Variants in SH3TC2 observed in about 807,000 individuals in gnomAD.
The protein encoded by SH3TC2 is SH3 domain and tetratricopeptide repeats 2, also known as SH3 domain and tetratricopeptide repeat-containing protein 2.
Under a neutral mutation model 124.5 loss-of-function variants are expected in SH3TC2, and 87 were observed. The observed-to-expected ratio is 0.70, with a 90% confidence interval of 0.59 to 0.84. The LOEUF (loss-of-function observed/expected upper bound fraction) is 0.84, where lower values mean the gene tolerates loss of function less well. SH3TC2 is among the 40% of genes least tolerant of loss of function. SH3TC2 has a pLI of 0.00. For missense variants in SH3TC2, 1,536 were observed against 1,566.4 expected (o/e 0.98, Z 0.33); for synonymous variants, 634 against 628.5 (o/e 1.01, Z -0.13).
chr5:149,044,949 A>G, intron 3 of SH3TC2: 1 of 229,170 alleles, frequency 4.4e-6, no homozygotes, highest in Non-Finnish European at 8.7e-6. Context: ...GAATAGAACT[A>G]TGGGCAAAGA....
Position 149,004,474 on chromosome 5 carries a change from T to A in SH3TC2, c.*237A>T, listed in dbSNP as rs1386638296. On this transcript the variant is annotated 3_prime_UTR_variant, in exon 17 of 17. Coordinates refer to ENST00000515425, the MANE Select transcript of SH3TC2 (RefSeq NM_024577.4). ...AGGCTGTTTGTGTGGAAGGCAACAGTCAACCGGTAAAGGCTCCAGATGCAA... is the reference window on the plus strand; with the variant it reads ...AGGCTGTTTGTGTGGAAGGCAACAGACAACCGGTAAAGGCTCCAGATGCAA... The A allele has an allele frequency of 1.8e-6, 1 of 549,082 alleles. No homozygotes were observed. Among genetic ancestry groups the A allele is most frequent in the Admixed American group, 3.2e-5 (1 of 31,018 alleles). 34.0% of individuals were successfully genotyped at this position (549,082 alleles called of 1,614,324 possible).
At chr5:149,038,807 T>G (rs1754325177) in intron 7 of SH3TC2, among the ~76,000 whole-genome samples, 1 of 152,242 alleles carries the variant, frequency 6.6e-6, no homozygotes, top group Non-Finnish European at 1.5e-5. Flanking sequence ...TATGGGAAAC[T>G]GGAAAGCTCA....
At chr5:149,029,642 G>A (rs1257564210) in intron 9 of SH3TC2, among the ~76,000 whole-genome samples, 1 of 152,094 alleles carries the variant, frequency 6.6e-6, no homozygotes, top group Non-Finnish European at 1.5e-5. Context: ...AGCCAGTGAG[G>A]GAGACTGAAA....
intron 1 of SH3TC2, among the ~76,000 whole-genome samples, chr5:149,061,159 G>A (rs1234883781): frequency 6.6e-6 from 1 of 152,122 alleles, no homozygotes. Flanking sequence ...GTAATCAATG[G>A]CAAAAAGAAG....
intron 1 of SH3TC2, among the ~76,000 whole-genome samples, chr5:149,060,785 G>A (rs1754733403): frequency 6.6e-6 from 1 of 152,176 alleles, no homozygotes; most frequent in Admixed American, 6.5e-5. Flanking sequence ...CTAAGTCCAT[G>A]AGAGGAATTA....
intron 2 of SH3TC2, among the ~76,000 whole-genome samples, chr5:149,049,766 GAGCAAGACC>G (rs1406357581): frequency 6.6e-6 from 1 of 151,622 alleles, no homozygotes; most frequent in African/African-American, 2.4e-5. Flanking sequence ...CTGGGCAACG[GAGCAAGACC>G]CTGTCTCAAG....
chr5:149,012,766 A>C lies in SH3TC2; in HGVS notation c.3054-32T>G, dbSNP rs1753806123. Reference sequence around the variant, plus strand: ...ACAGACATGAACTTGTGAGGTGTGAAGGCTCAAAGGGGCCTTAGGGTCCAC... The same window carrying C: ...ACAGACATGAACTTGTGAGGTGTGACGGCTCAAAGGGGCCTTAGGGTCCAC... On this transcript the variant is annotated intron_variant, in intron 12 of 16. Coordinates refer to ENST00000515425, the MANE Select transcript of SH3TC2 (RefSeq NM_024577.4). 1.9e-6 allele frequency: 3 copies of C among 1,613,512 alleles called. No homozygotes were observed. The East Asian group carries it at 6.7e-5, about 36-fold the overall frequency.
chr5:149,044,774 T>C (rs1318992987), intron 3 of SH3TC2, 136 bp from the exon 4 acceptor site: 1 of 681,718 alleles, frequency 1.5e-6, no homozygotes, highest in Non-Finnish European at 2.7e-6. Context: ...TGGAAACAAC[T>C]TAAATATTCA....
At position 148,985,287 on chromosome 5, in the gene SH3TC2, T is replaced by A. The variant is rs1252455195; in HGVS notation, c.*19424A>T. Among the ~76,000 whole-genome samples the A allele has an allele frequency of 6.6e-6, 1 of 152,234 alleles. No homozygotes were observed. Among genetic ancestry groups the A allele is most frequent in the African/African-American group, 2.4e-5 (1 of 41,466 alleles). ...ATTATTTTTTAGTTACAGAGTTCTATGAGTTTTGGCAAATGCATTCAATGC... is the reference window on the plus strand; with the variant it reads ...ATTATTTTTTAGTTACAGAGTTCTAAGAGTTTTGGCAAATGCATTCAATGC... On this transcript the variant is annotated 3_prime_UTR_variant, in exon 17 of 17. Coordinates refer to ENST00000515425, the MANE Select transcript of SH3TC2 (RefSeq NM_024577.4).
chr5:149,058,225 C>A (rs954978286), intron 1 of SH3TC2, among the ~76,000 whole-genome samples: 2 of 152,144 alleles, frequency 1.3e-5, no homozygotes, highest in African/African-American at 4.8e-5. Context: ...AAGTTACTAA[C>A]CCTCAATTCA....
intron 16 of SH3TC2, 24 bp from the exon 17 acceptor site, chr5:149,004,926 A>C: frequency 2.5e-6 from 4 of 1,613,866 alleles, no homozygotes; most frequent in Non-Finnish European, 3.4e-6. Context: ...ATGGGGGCAA[A>C]GAAGAGACAG....
intron 1 of SH3TC2, among the ~76,000 whole-genome samples, chr5:149,057,362 T>C (rs1422582): frequency 0.2 from 30,957 of 151,978 alleles, 3,650 homozygotes; most frequent in African/African-American, 0.31. Context: ...TCTGATGACA[T>C]TGATATTTTT....
At chr5:149,049,162 G>A (rs1754515151) in intron 2 of SH3TC2, among the ~76,000 whole-genome samples, 1 of 152,188 alleles carries the variant, frequency 6.6e-6, no homozygotes, top group Non-Finnish European at 1.5e-5. Context: ...ACCTGACTTT[G>A]ATGTAAACTT....
At chr5:149,057,924 A>T (rs1039728983) in intron 1 of SH3TC2, among the ~76,000 whole-genome samples, 1 of 152,210 alleles carries the variant, frequency 6.6e-6, no homozygotes, top group African/African-American at 2.4e-5. Context: ...AGTTAAGCCA[A>T]TGAGAATTAG....
rs562854748 is a variant in SH3TC2, at chr5:149,023,524, A to C, written c.3053+3048T>G. On this transcript the variant is annotated intron_variant, in intron 12 of 16. Coordinates refer to ENST00000515425, the MANE Select transcript of SH3TC2 (RefSeq NM_024577.4). ...AGTTACTTCAGGAAAGTATCAAGGAAAGGGAAGTTGGAAGGGGACCTTTAT... is the reference window on the plus strand; with the variant it reads ...AGTTACTTCAGGAAAGTATCAAGGACAGGGAAGTTGGAAGGGGACCTTTAT... 4.6e-5 allele frequency among the ~76,000 whole-genome samples: 7 copies of C among 152,110 alleles called. No homozygotes were observed. In the South Asian group the frequency reaches 1.5e-3, roughly 32 times the overall value.
Position 149,008,855 on chromosome 5 carries a change from G to A in SH3TC2, c.3474C>T (p.Val1158=), listed in dbSNP as rs1318823862. The A allele has an allele frequency of 6.2e-7, 1 of 1,614,122 alleles. No homozygotes were observed. The highest frequency in any genetic ancestry group is 2.2e-5 in the East Asian group (1 of 44,884). The stretch of plus-strand genomic sequence containing the variant: ...CCAATAGTGAAGACCACCCACCTGT[G>A]ACTGTGCTGAGCCTGGCGGCCAGGG... ...FATLAARLST[V]TGDQRQELVA... Residue 1158 remains valine (V), a synonymous_variant, in exon 15 of 17, where the codon GTC becomes GTT. Transcript: ENST00000515425.
Position 149,027,055 on chromosome 5 carries a change from G to A in SH3TC2, c.2677C>T (p.His893Tyr). The A allele has an allele frequency of 6.2e-7, 1 of 1,614,204 alleles. No homozygotes were observed. The highest frequency in any genetic ancestry group is 8.5e-7 in the Non-Finnish European group (1 of 1,180,024). ...TGCAGGAGATAGTTTCTGGCTGGAT[G>A]CTGAGCCCAGGACTTAAGGCTCAGG... is the stretch of plus-strand genomic sequence containing the variant. ...GHLSLKSWAQ[H>Y]PARNYLLQAV... The change falls in exon 11 of 17, where the codon CAT becomes TAT. Residue 893 changes from histidine to tyrosine, a missense_variant. Transcript: ENST00000515425.
At chr5:149,024,665 G>A (rs1754034041) in intron 12 of SH3TC2, among the ~76,000 whole-genome samples, 1 of 152,126 alleles carries the variant, frequency 6.6e-6, no homozygotes, top group Non-Finnish European at 1.5e-5. Flanking sequence ...AGGTTTCCTG[G>A]CCCTAATCCA....
At position 148,997,855 on chromosome 5, in the gene SH3TC2, A is replaced by G. The variant is rs1036809840; in HGVS notation, c.*6856T>C. On this transcript the variant is annotated 3_prime_UTR_variant, in exon 17 of 17. Transcript: ENST00000515425. ...CCAAAATGTTGTGTGATTACATGAG[A>G]GTCATCACAAAGGTTTTGCATGAGA... Among the ~76,000 whole-genome samples, 1 of 152,242 alleles carries G rather than the reference A, an allele frequency of 6.6e-6. No homozygotes were observed. Among genetic ancestry groups the G allele is most frequent in the Non-Finnish European group, 1.5e-5 (1 of 68,038 alleles).
Sources: allele counts gnomAD v4.1 joint callset (sites outside exome capture counted in the v4.1 genomes callset), GRCh38; gene constraint gnomAD v4.1.1; transcripts MANE v1.5; gene names NCBI Gene and HGNC (gene_info 2026-07-23, HGNC 2026-07-21).